Variants in PDE4B observed in about 807,000 individuals in gnomAD.
PDE4B encodes the protein 3',5'-cyclic-AMP phosphodiesterase 4B.
A neutral mutation model predicts 82.2 loss-of-function variants in PDE4B; 20 were observed. The ratio of observed to expected loss-of-function variants is 0.24; its 90% CI spans 0.17 to 0.35. The LOEUF (loss-of-function observed/expected upper bound fraction) is 0.35, where lower values mean the gene tolerates loss of function less well. PDE4B is among the 10% of genes least tolerant of loss of function. The probability of loss-of-function intolerance (pLI) is 1.00; values close to 1 mark genes in which losing one functional copy is unlikely to be tolerated. For synonymous variants in PDE4B, 320 were observed against 318.9 expected (o/e 1.00, Z -0.04); for missense variants, 655 against 907.2 (o/e 0.72, Z 3.57).
rs149630995 is a variant in PDE4B at position 66,296,212 on chromosome 1, A to G, written c.634+30125A>G. Among the ~76,000 whole-genome samples the G allele has an allele frequency of 1.1e-3, 171 of 152,288 alleles. 3 individuals carry two copies. The highest frequency in any genetic ancestry group is 8.8e-3 in the Admixed American group (135 of 15,282). Reference sequence around the variant, plus strand: ...ACTAGACTTATTGGTGGCAAAAACTATGTCTTATTTGATATCCACAGGACC... The same window carrying G: ...ACTAGACTTATTGGTGGCAAAAACTGTGTCTTATTTGATATCCACAGGACC... On this transcript the variant is annotated intron_variant, in intron 7 of 16. Transcript: ENST00000341517.
intron 3 of PDE4B, among the ~76,000 whole-genome samples, chr1:66,032,285 T>C (rs926992486): frequency 6.6e-6 from 1 of 152,252 alleles, no homozygotes; most frequent in Non-Finnish European, 1.5e-5. Flanking sequence ...GGCAGTATGA[T>C]GAAGCCATAG....
At chr1:66,133,410 G>A (rs1369554308) in intron 3 of PDE4B, among the ~76,000 whole-genome samples, 2 of 152,160 alleles carry the variant, frequency 1.3e-5, no homozygotes, top group Non-Finnish European at 2.9e-5. Flanking sequence ...AAATATTACT[G>A]TCTTTACTTT....
chr1:66,339,987 G>C (rs1269749192), intron 8 of PDE4B, among the ~76,000 whole-genome samples: 6 of 152,156 alleles, frequency 3.9e-5, no homozygotes, highest in Non-Finnish European at 7.3e-5. Context: ...CTGAGTAAAA[G>C]TGTGCTCAAC....
chr1:65,877,616 A>AAAATAAAT (rs58204108), intron 1 of PDE4B, among the ~76,000 whole-genome samples: 102 of 147,824 alleles, frequency 6.9e-4, no homozygotes, highest in African/African-American at 1.3e-3. Context: ...CTCTGTCTAA[A>AAAATAAAT]AAATAAATAA....
chr1:66,341,861 G>A (rs475826), intron 8 of PDE4B, among the ~76,000 whole-genome samples: 104,042 of 152,054 alleles, frequency 0.68, 36,312 homozygotes, highest in East Asian at 0.89. Context: ...TGCACAATGA[G>A]CCAGATTATG....
At chr1:65,829,237 A>G (rs1215629954) in intron 1 of PDE4B, among the ~76,000 whole-genome samples, 1 of 152,222 alleles carries the variant, frequency 6.6e-6, no homozygotes, top group Non-Finnish European at 1.5e-5. Flanking sequence ...ATTGCCTAAT[A>G]ATAATGGAGC....
chr1:66,283,385 A>G (rs1332638169), intron 7 of PDE4B, among the ~76,000 whole-genome samples: 1 of 151,812 alleles, frequency 6.6e-6, no homozygotes, highest in Non-Finnish European at 1.5e-5. Context: ...GTATATATAT[A>G]TGTATATATG....
At chr1:66,240,684 C>A (rs79107146) in intron 3 of PDE4B, among the ~76,000 whole-genome samples, 1 of 152,252 alleles carries the variant, frequency 6.6e-6, no homozygotes, top group African/African-American at 2.4e-5. Flanking sequence ...TATTCTCAGG[C>A]GGAGAACAGT....
intron 3 of PDE4B, among the ~76,000 whole-genome samples, chr1:66,096,160 C>A (rs1171945857): frequency 6.6e-6 from 1 of 151,634 alleles, no homozygotes; most frequent in African/African-American, 2.4e-5. Flanking sequence ...AAAATCTGTG[C>A]ATATACCCTT....
At chr1:65,809,128 C>T (rs1203361957) in intron 1 of PDE4B, among the ~76,000 whole-genome samples, 1 of 151,650 alleles carries the variant, frequency 6.6e-6, no homozygotes, top group African/African-American at 2.4e-5. Flanking sequence ...GTCAGGAGTT[C>T]GAAACCAGCC....
intron 7 of PDE4B, among the ~76,000 whole-genome samples, chr1:66,278,494 C>T (rs1656055768): frequency 6.6e-6 from 1 of 152,196 alleles, no homozygotes; most frequent in African/African-American, 2.4e-5. Flanking sequence ...AAATGCAAGG[C>T]TAAACCTCCG....
chr1:65,927,516 AT>A (rs1311759638), intron 3 of PDE4B, among the ~76,000 whole-genome samples: 1 of 147,540 alleles, frequency 6.8e-6, no homozygotes, highest in East Asian at 1.9e-4. Flanking sequence ...ATATATGTAA[AT>A]ATATATAATA....
intron 3 of PDE4B, among the ~76,000 whole-genome samples, chr1:66,092,856 C>T (rs1017655894): frequency 6.6e-6 from 1 of 151,924 alleles, no homozygotes; most frequent in African/African-American, 2.4e-5. Context: ...ACCTGGAGTT[C>T]TCATTTCTGT....
chr1:66,354,546 A>C, intron 8 of PDE4B: 1 of 1,179,572 alleles, frequency 8.5e-7, no homozygotes, highest in Non-Finnish European at 1.1e-6. Flanking sequence ...TAAGTGCTTC[A>C]AACCAGCCAG....
intron 1 of PDE4B, among the ~76,000 whole-genome samples, chr1:65,793,468 T>C (rs1435663273): frequency 2.0e-5 from 3 of 152,178 alleles, no homozygotes; most frequent in Non-Finnish European, 4.4e-5. Context: ...TCTTCTCTGC[T>C]TCGGCTTCCG....
rs5774766 is a variant in PDE4B, at chr1:65,813,893, C to CAAA, written c.-71+20663_-71+20665dup. Among the ~76,000 whole-genome samples the CAAA allele has an allele frequency of 8.4e-3, 868 of 103,334 alleles. 10 individuals are homozygous for CAAA. Among genetic ancestry groups the CAAA allele is most frequent in the Non-Finnish European group, 0.012 (625 of 50,536 alleles). The allele number at this position is 103,334 out of a possible 152,430, so 67.8% of individuals were successfully genotyped here. A position where few individuals can be genotyped will look rare whatever the true frequency, so the allele number is the denominator to read the frequency against. On this transcript the variant is annotated intron_variant, in intron 1 of 16. Coordinates refer to ENST00000341517, the MANE Select transcript of PDE4B (RefSeq NM_002600.4). ...GTCCAATAGGCAGTAGGCACTGCGGCAAAAAAAAAAAAAAAAAAAACAACA... is the reference window on the plus strand; with the variant it reads ...GTCCAATAGGCAGTAGGCACTGCGGCAAAAAAAAAAAAAAAAAAAAAAACAACA...
At chr1:66,266,169 C>A in intron 7 of PDE4B, 82 bp downstream of exon 7, 2 of 1,106,620 alleles carry the variant, frequency 1.8e-6, no homozygotes, top group Non-Finnish European at 2.8e-6. Flanking sequence ...TTTTTTAGAA[C>A]AATAGTGTTG....
At chr1:65,862,011 AC>A (rs577573174) in intron 1 of PDE4B, among the ~76,000 whole-genome samples, 2 of 151,570 alleles carry the variant, frequency 1.3e-5, no homozygotes, top group South Asian at 2.1e-4. Flanking sequence ...CTGTTTGACT[AC>A]CCCCCTTCCT....
chr1:66,171,247 G>A (rs531835598), intron 3 of PDE4B, among the ~76,000 whole-genome samples: 1 of 152,136 alleles, frequency 6.6e-6, no homozygotes, highest in East Asian at 1.9e-4. Context: ...ATAAAAAGTG[G>A]AATTCAAAAG....
Sources: gnomAD v4.1 joint callset for allele counts (sites outside exome capture counted in the v4.1 genomes callset) on GRCh38, gnomAD v4.1.1 for gene constraint, MANE v1.5 for transcripts, NCBI Gene and HGNC (gene_info 2026-07-23, HGNC 2026-07-21) for gene names.